The following NEK2 variants were observed in gnomAD, a reference collection of about 807,000 sequenced individuals.
The protein encoded by NEK2 is NIMA related kinase 2.
NEK2 carries 28 observed loss-of-function variants against 54.1 expected under a neutral mutation model. The observed-to-expected ratio is 0.52, with a 90% CI of 0.38 to 0.71. NEK2 has a LOEUF of 0.71. NEK2 is among the 30% of genes least tolerant of loss of function. The pLI is 0.00. For synonymous variants in NEK2, 176 were observed against 193.1 expected (o/e 0.91, Z 0.73); for missense variants, 407 against 531.5 (o/e 0.77, Z 2.30).
intron 5 of NEK2, 29 bp from the exon 6 acceptor site, chr1:211,669,361 C>T (rs1331370050): frequency 1.9e-6 from 3 of 1,580,966 alleles, no homozygotes; most frequent in Non-Finnish European, 2.6e-6. Flanking sequence ...GTATTATAGT[C>T]AGATTGCATA....
chr1:211,669,604 A>T (rs1482342117), intron 5 of NEK2: 7 of 428,540 alleles, frequency 1.6e-5, no homozygotes, highest in Admixed American at 8.0e-5. Context: ...AGATTGGCAC[A>T]TCTTGTGCTG....
Position 211,669,347 on chromosome 1 carries a change from C to T in NEK2, c.766-15G>A. ...CGATGGTAATCCTGGGGAAAAAATA[C>T]TCAGTATTATAGTCAGATTGCATAA... On this transcript the variant is annotated splice_polypyrimidine_tract_variant and intron_variant, in intron 5 of 7. Transcript: ENST00000366999. 6.2e-7 allele frequency: 1 copy of T among 1,605,568 alleles called. No individual in the cohort carries two copies. The highest frequency in any genetic ancestry group is 8.5e-7 in the Non-Finnish European group (1 of 1,172,524).
intron 7 of NEK2, among the ~76,000 whole-genome samples, chr1:211,664,939 G>C (rs1655131916): frequency 6.6e-6 from 1 of 152,224 alleles, no homozygotes. Context: ...CTCGGCTTAA[G>C]TGATCTTCCT....
chr1:211,662,850 G>GAAAA lies in NEK2; in HGVS notation c.*572_*575dup. The GAAAA allele has an allele frequency of 1.2e-6, 1 of 857,672 alleles. No homozygotes were observed. Among genetic ancestry groups the GAAAA allele is most frequent in the Non-Finnish European group, 1.4e-6 (1 of 716,976 alleles). 53.1% of individuals were successfully genotyped at this position (857,672 alleles called of 1,614,324 possible). On this transcript the variant is annotated 3_prime_UTR_variant, in exon 8 of 8. Transcript: ENST00000366999. This position sits in a 1 kb window ranked among gnomAD's most constrained non-coding sequence, Gnocchi z 4.2. ...CAGACAGCTCATATTCTGTTAAACA[G>GAAAA]AAAAAAAAAAAGAATACAAACATCA... is the stretch of plus-strand genomic sequence containing the variant.
Position 211,673,521 on chromosome 1 carries a change from C to T in NEK2, c.517G>A (p.Ala173Thr), listed in dbSNP as rs1655467995. ...ARILNHDTSF[A>T]KTFVGTPYYM... ...TAAGGTGTGCCAACAAATGTTTTTG[C>T]AAAACTCGTGTCATGGTTTAATATT... Residue 173 changes from alanine (A) to threonine (T), a missense_variant, in exon 3 of 8, where the codon GCA (alanine) becomes ACA (threonine). By Grantham distance (58) the Ala-to-Thr change is moderately conservative. Coordinates refer to ENST00000366999, the MANE Select transcript of NEK2 (RefSeq NM_002497.4). 1.9e-6 allele frequency: 3 copies of T among 1,613,858 alleles called. No individual in the cohort carries two copies. The highest frequency in any genetic ancestry group is 2.5e-6 in the Non-Finnish European group (3 of 1,179,880).
At chr1:211,660,518 CA>C, downstream of NEK2, 1 of 647,226 alleles carries the variant, frequency 1.5e-6, no homozygotes, top group Non-Finnish European at 3.0e-6. Context: ...CCAAAGAGGT[CA>C]AAGTGATCAT....
rs1655061544 is a variant in NEK2 at position 211,663,115 on chromosome 1, A to T, written c.*311T>A. On this transcript the variant is annotated 3_prime_UTR_variant, in exon 8 of 8. Coordinates refer to ENST00000366999, the MANE Select transcript of NEK2 (RefSeq NM_002497.4). Reference sequence around the variant, plus strand: ...CCTGCATAAATATTTTTTTCCTAACATTATTTTTTCTCCCAAGATTTAGAA... The same window carrying T: ...CCTGCATAAATATTTTTTTCCTAACTTTATTTTTTCTCCCAAGATTTAGAA... The T allele has an allele frequency of 1.8e-6, 2 of 1,087,632 alleles. No homozygotes were observed. The highest frequency in any genetic ancestry group is 2.2e-6 in the Non-Finnish European group (2 of 893,780). The allele number at this position is 1,087,632 out of a possible 1,614,324, so 67.4% of individuals were successfully genotyped here.
chr1:211,669,976 A>G (rs1364108861), intron 5 of NEK2, among the ~76,000 whole-genome samples: 1 of 152,176 alleles, frequency 6.6e-6, no homozygotes, highest in East Asian at 1.9e-4. Flanking sequence ...ACTACCTGCC[A>G]CTGTGAGGTA....
rs770097753 is a variant in NEK2, at chr1:211,670,317, T to C, written c.729A>G (p.Glu243=). The change falls in exon 5 of 8, where the codon GAA becomes GAG. Residue 243 remains glutamate (E), a synonymous_variant. Transcript: ENST00000366999. The stretch of plus-strand genomic sequence containing the variant: ...ACATCCTCGTAATAATTTCATTCAA[T>C]TCATCAGAGTAACGGTATGGAATTC... ...FRRIPYRYSD[E]LNEIITRMLN... The C allele has an allele frequency of 6.2e-7, 1 of 1,611,942 alleles. No homozygotes were observed. Among genetic ancestry groups the C allele is most frequent in the South Asian group, 1.1e-5 (1 of 90,530 alleles).
intron 2 of NEK2, 135 bp downstream of exon 2, chr1:211,674,161 G>A: frequency 1.5e-6 from 1 of 687,908 alleles, no homozygotes; most frequent in Non-Finnish European, 2.4e-6. Flanking sequence ...GATTCACCAG[G>A]AATTTTCTAA....
intron 7 of NEK2, among the ~76,000 whole-genome samples, chr1:211,666,223 C>G (rs1655173682): frequency 1.3e-5 from 2 of 152,154 alleles, no homozygotes; most frequent in Admixed American, 6.5e-5. Context: ...CCTGAGAAAG[C>G]TGAATATCTA....
chr1:211,659,356 T>C (rs925573477), downstream of NEK2, among the ~76,000 whole-genome samples: 2 of 152,234 alleles, frequency 1.3e-5, no homozygotes, highest in African/African-American at 2.4e-5. Context: ...TCTTGCATCA[T>C]GAGGAATAGC....
chr1:211,668,251 A>G (rs1211002443), intron 6 of NEK2, among the ~76,000 whole-genome samples: 1 of 152,206 alleles, frequency 6.6e-6, no homozygotes. Context: ...TGAGGGTGAC[A>G]GGTCACAAAT....
chr1:211,660,901 C>A, downstream of NEK2: 2 of 735,486 alleles, frequency 2.7e-6, no homozygotes, highest in South Asian at 2.7e-5. Flanking sequence ...CTTCTGATAC[C>A]AGCAGATCTG....
At position 211,675,483 on chromosome 1, in the gene NEK2, C is replaced by T; in HGVS notation, c.-4G>A. 2 of 1,612,074 alleles carry T rather than the reference C, an allele frequency of 1.2e-6. No homozygotes were observed. The highest frequency in any genetic ancestry group is 1.7e-6 in the Non-Finnish European group (2 of 1,179,226). ...AGTCCTCAGCCCGGGAAGGCATGGC[C>T]GGCCAGTCGCCAGAGTCGCGCTGCC... is the stretch of plus-strand genomic sequence containing the variant. On this transcript the variant is annotated 5_prime_UTR_variant, in exon 1 of 8. Transcript: ENST00000366999.
chr1:211,660,502 G>T (rs1654990134), downstream of NEK2: 1 of 658,564 alleles, frequency 1.5e-6, no homozygotes, highest in African/African-American at 1.8e-5. Flanking sequence ...AGTCACAGTG[G>T]AGTCCCCAAA....
chr1:211,666,593 A>G (rs2102441069), intron 7 of NEK2: 1 of 448,296 alleles, frequency 2.2e-6, no homozygotes, highest in Non-Finnish European at 2.9e-6. Context: ...GAGGTCAGGA[A>G]ATCGAGACCA....
chr1:211,675,330 C>A (rs942408656), intron 1 of NEK2, 54 bp downstream of exon 1: 1 of 1,547,416 alleles, frequency 6.5e-7, no homozygotes, highest in Non-Finnish European at 8.9e-7. Flanking sequence ...GGGCGCTCGC[C>A]CCGAGGCGAC....
intron 5 of NEK2, 117 bp from the exon 6 acceptor site, chr1:211,669,449 T>C: frequency 1.1e-6 from 1 of 896,266 alleles, no homozygotes; most frequent in Non-Finnish European, 1.7e-6. Context: ...AGGACTCCTT[T>C]ATGGCTAGGT....
Sources: allele counts gnomAD v4.1 joint callset (sites outside exome capture counted in the v4.1 genomes callset), GRCh38; gene constraint gnomAD v4.1.1; non-coding constraint Gnocchi (gnomAD v3.1); transcripts MANE v1.5; gene names NCBI Gene and HGNC (gene_info 2026-07-23, HGNC 2026-07-21).